The following RBFOX1 variants were observed in gnomAD, a reference collection of about 807,000 sequenced individuals.
The protein encoded by RBFOX1 is RNA binding protein fox-1 homolog 1.
In RBFOX1, 8 loss-of-function variants were observed where a neutral mutation model predicts 57.7. That is an observed-to-expected ratio of 0.14 (90% CI 0.08 to 0.25). The LOEUF is 0.25. Ranked by LOEUF, RBFOX1 falls within the 10% of genes least tolerant of loss-of-function variation. RBFOX1 has a pLI of 1.00. For missense variants in RBFOX1, 611 were observed against 548.5 expected (o/e 1.11, Z -1.14); for synonymous variants, 326 against 222.4 (o/e 1.47, Z -4.15).
At chr16:7,198,047 C>G (rs1356296333) in intron 4 of RBFOX1, among the ~76,000 whole-genome samples, 2 of 122,744 alleles carry the variant, frequency 1.6e-5, no homozygotes, top group African/African-American at 3.3e-5. Flanking sequence ...GCTCTGTCGC[C>G]CAGGCTGGAA....
chr16:6,571,055 G>T (rs2097337991), intron 2 of RBFOX1, among the ~76,000 whole-genome samples: 1 of 152,192 alleles, frequency 6.6e-6, no homozygotes, highest in Non-Finnish European at 1.5e-5. Context: ...AGGCATTGTG[G>T]ATTGGCCTTT....
intron 3 of RBFOX1, among the ~76,000 whole-genome samples, chr16:6,804,615 T>A (rs1303501261): frequency 2.0e-5 from 3 of 152,212 alleles, no homozygotes; most frequent in Non-Finnish European, 4.4e-5. Flanking sequence ...TTTCACAATG[T>A]GTTCTTTCAT....
chr16:5,460,103 A>T (rs2068745744), intron 1 of RBFOX1, among the ~76,000 whole-genome samples: 1 of 151,960 alleles, frequency 6.6e-6, no homozygotes, highest in South Asian at 2.1e-4. Context: ...TAAAGTCGGC[A>T]TGTTTTTAGT....
rs1411724417 is a variant in RBFOX1 at position 6,725,889 on chromosome 16, C to T, written c.-16+71239C>T. On this transcript the variant is annotated intron_variant, in intron 3 of 15. Transcript: ENST00000550418. The stretch of plus-strand genomic sequence containing the variant: ...CTCATTTGATTTATCAGAGATGATA[C>T]TTGGTAATTCAGTTTGATATTGTCC... Among the ~76,000 whole-genome samples the T allele has an allele frequency of 3.9e-5, 6 of 152,216 alleles. No homozygotes were observed. In the East Asian group the frequency reaches 7.7e-4, roughly 20 times the overall value.
At chr16:7,235,837 T>G (rs1038306763) in intron 4 of RBFOX1, among the ~76,000 whole-genome samples, 1 of 152,238 alleles carries the variant, frequency 6.6e-6, no homozygotes, top group Non-Finnish European at 1.5e-5. Context: ...AATTCCAGTT[T>G]TTACAGTTGA....
Position 6,097,734 on chromosome 16 carries a change from C to A in RBFOX1, c.-127+77742C>A, listed in dbSNP as rs189799033. On this transcript the variant is annotated intron_variant, in intron 1 of 15. Transcript: ENST00000550418. This position sits in a 1 kb window ranked among gnomAD's most constrained non-coding sequence, Gnocchi z 5.0. Reference sequence around the variant, plus strand: ...AGACTCAACTCCTGTGCTATACTGCCTCTGTGTCTTTGGTCTGTGTTCTCT... The same window carrying A: ...AGACTCAACTCCTGTGCTATACTGCATCTGTGTCTTTGGTCTGTGTTCTCT... 6.6e-6 allele frequency among the ~76,000 whole-genome samples: 1 copy of A among 152,018 alleles called. No homozygotes were observed. The highest frequency in any genetic ancestry group is 1.5e-5 in the Non-Finnish European group (1 of 67,970).
chr16:5,459,040 A>C (rs1407072075), intron 1 of RBFOX1, among the ~76,000 whole-genome samples: 1 of 152,208 alleles, frequency 6.6e-6, no homozygotes, highest in Non-Finnish European at 1.5e-5. Context: ...CTGAAGAGCC[A>C]GGGCAGATGC....
intron 2 of RBFOX1, among the ~76,000 whole-genome samples, chr16:6,487,684 AAAAAAAAAAAAAAAAAATATATATATAT>A (rs1162551465): frequency 0.043 from 821 of 19,282 alleles, 32 homozygotes; most frequent in Admixed American, 0.06. Flanking sequence ...AAAAAAAAAA[AAAAAAAAAAAAAAAAAATATATATATAT>A]ATATATATAT....
intron 2 of RBFOX1, among the ~76,000 whole-genome samples, chr16:5,586,785 C>T (rs2046843466): frequency 6.6e-6 from 1 of 152,162 alleles, no homozygotes; most frequent in African/African-American, 2.4e-5. Context: ...GTGTAAGCCA[C>T]CATGGCTGGC....
At position 5,968,132 on chromosome 16, in the gene RBFOX1, C is replaced by T. The variant is rs141327014; in HGVS notation, c.351+100797C>T. On this transcript the variant is annotated intron_variant, in intron 4 of 19. Transcript: ENST00000641259. Reference sequence around the variant, plus strand: ...CTCTATCACCCAGGCTGGAGTGCAGCGGTGCAATCTTGGCTCACTGCAACC... The same window carrying T: ...CTCTATCACCCAGGCTGGAGTGCAGTGGTGCAATCTTGGCTCACTGCAACC... 1.1e-4 allele frequency among the ~76,000 whole-genome samples: 16 copies of T among 152,144 alleles called. 1 individual carries two copies. The highest frequency in any genetic ancestry group is 4.2e-4 in the South Asian group (2 of 4,804).
chr16:7,280,842 A>G (rs12927243), intron 4 of RBFOX1, among the ~76,000 whole-genome samples: 41,170 of 151,556 alleles, frequency 0.27, 5,754 homozygotes, highest in Middle Eastern at 0.34. Context: ...GTGCAAAATC[A>G]CCCACTGCTT....
At chr16:7,626,725 C>T (rs753315205) in intron 10 of RBFOX1, among the ~76,000 whole-genome samples, 3 of 152,112 alleles carry the variant, frequency 2.0e-5, no homozygotes, top group Admixed American at 6.5e-5. Context: ...ATTTGAACTT[C>T]AGGCATGCAA....
chr16:6,212,791 T>G (rs1338138079), intron 1 of RBFOX1, among the ~76,000 whole-genome samples: 1 of 152,146 alleles, frequency 6.6e-6, no homozygotes, highest in African/African-American at 2.4e-5. Context: ...AAGATTTCCA[T>G]AGATAAGACA....
intron 4 of RBFOX1, among the ~76,000 whole-genome samples, chr16:7,273,067 C>T (rs1292462675): frequency 7.8e-6 from 1 of 128,794 alleles, no homozygotes; most frequent in African/African-American, 3.1e-5. Flanking sequence ...TCCTTCCCTC[C>T]CTCCTTCCAT....
intron 1 of RBFOX1, among the ~76,000 whole-genome samples, chr16:5,254,481 C>G (rs1477541245): frequency 6.6e-6 from 1 of 152,166 alleles, no homozygotes; most frequent in Non-Finnish European, 1.5e-5. Context: ...GATGTTTACA[C>G]TTTTTTAAAA....
In RBFOX1 at chr16:6,940,677, A is replaced by C. The variant is rs576352329; in HGVS notation, c.-15-111380A>C. Among the ~76,000 whole-genome samples the C allele has an allele frequency of 1.2e-3, 189 of 151,872 alleles. 1 individual carries two copies. Among genetic ancestry groups the C allele is most frequent in the Non-Finnish European group, 1.9e-3 (128 of 67,982 alleles). ...GAGCGACGCGATCTCAGCTCACTGC[A>C]AGCTCCGCCTCCCGGGTTCACGCCA... On this transcript the variant is annotated intron_variant, in intron 3 of 15. Coordinates refer to ENST00000550418, the MANE Select transcript of RBFOX1 (RefSeq NM_018723.4).
chr16:5,478,967 C>G (rs554623778), intron 2 of RBFOX1, among the ~76,000 whole-genome samples: 12 of 152,318 alleles, frequency 7.9e-5, no homozygotes, highest in Admixed American at 4.6e-4. Context: ...CAGATTATAA[C>G]TTGTGGCTCC....
chr16:5,553,855 A>G (rs982885956), intron 2 of RBFOX1, among the ~76,000 whole-genome samples: 24 of 152,180 alleles, frequency 1.6e-4, no homozygotes, highest in Admixed American at 5.2e-4. Context: ...ACATGATTGA[A>G]TTTAATTATT....
In RBFOX1 at chr16:6,701,922, C is replaced by T. The variant is rs1010893656; in HGVS notation, c.-16+47272C>T. ...CTGAGTACACACGGACACAAAGGGACAACAGACACCGGGGCCTGCTTGAGG... is the reference window on the plus strand; with the variant it reads ...CTGAGTACACACGGACACAAAGGGATAACAGACACCGGGGCCTGCTTGAGG... On this transcript the variant is annotated intron_variant, in intron 3 of 15. Coordinates refer to ENST00000550418, the MANE Select transcript of RBFOX1 (RefSeq NM_018723.4). Among the ~76,000 whole-genome samples the T allele has an allele frequency of 2.6e-5, 4 of 152,160 alleles. No individual in the cohort carries two copies. The South Asian group carries it at 6.2e-4, about 24-fold the overall frequency.
Sources: allele counts gnomAD v4.1 joint callset (sites outside exome capture counted in the v4.1 genomes callset), GRCh38; gene constraint gnomAD v4.1.1; non-coding constraint Gnocchi (gnomAD v3.1); transcripts MANE v1.5; gene names NCBI Gene and HGNC (gene_info 2026-07-23, HGNC 2026-07-21).